Variants in SLC6A8 observed in about 807,000 individuals in gnomAD.
SLC6A8 encodes the protein solute carrier family 6 member 8.
SLC6A8 carries 6 observed loss-of-function variants against 48.3 expected under a neutral mutation model. That is an observed-to-expected ratio of 0.12 (90% CI 0.07 to 0.25). SLC6A8 has a LOEUF of 0.25. SLC6A8 is among the 10% of genes least tolerant of loss of function. The pLI, the probability that SLC6A8 is intolerant of heterozygous loss-of-function variation, is 1.00. For missense variants in SLC6A8, 260 were observed against 551.5 expected (o/e 0.47, Z 5.29); for synonymous variants, 245 against 244.0 (o/e 1.00, Z -0.04).
rs782687298 is a variant in SLC6A8 at position 153,695,964 on chromosome X, G to C, written c.*750G>C. 8.0e-6 allele frequency: 1 copy of C among 125,366 alleles called. No homozygotes were observed. Among genetic ancestry groups the C allele is most frequent in the African/African-American group, 3.2e-5 (1 of 31,155 alleles). 10.3% of individuals were successfully genotyped at this position (125,366 alleles called of 1,213,427 possible). On this transcript the variant is annotated 3_prime_UTR_variant, in exon 13 of 13. Coordinates refer to ENST00000253122, the MANE Select transcript of SLC6A8 (RefSeq NM_005629.4). ...ACTTGAGAGAATGAGATTTCTGCTT[G>C]TATATTTCTAAAAAGAGGAAGGAGC...
At chrX:153,690,904 C>CCG (rs1491523891) in intron 2 of SLC6A8, 1 of 213,500 alleles carries the variant, frequency 4.7e-6, no homozygotes, top group African/African-American at 3.8e-5. Context: ...CCCCCCCCCC[C>CCG]ACCACCACCA....
rs1557045908 is a variant in SLC6A8, at chrX:153,695,246, G to A, written c.*32G>A. 1.7e-6 allele frequency: 2 copies of A among 1,165,152 alleles called. No homozygotes were observed. Among genetic ancestry groups the A allele is most frequent in the Admixed American group, 2.5e-5 (1 of 40,484 alleles). ...AGCTCACATCACCAGCTCACCTCTG[G>A]TAGCCATAGCAGCCCCTGCTTCAGC... On this transcript the variant is annotated 3_prime_UTR_variant, in exon 13 of 13. Coordinates refer to ENST00000253122, the MANE Select transcript of SLC6A8 (RefSeq NM_005629.4).
chrX:153,690,133 C>T (rs1209094446), intron 1 of SLC6A8, among the ~76,000 whole-genome samples: 1 of 113,024 alleles, frequency 8.8e-6, no homozygotes, highest in African/African-American at 3.2e-5. Flanking sequence ...CCCTGGGGGC[C>T]TAGGGCCCCT....
In SLC6A8 at chrX:153,688,838, T is replaced by C; in HGVS notation, c.262+2T>C. ...ACCTGTGCTACAAGAACGGCGGAGGTGAGTTCCCCCGCCCGCCGCGGCCTC... is the reference window on the plus strand; with the variant it reads ...ACCTGTGCTACAAGAACGGCGGAGGCGAGTTCCCCCGCCCGCCGCGGCCTC... On this transcript the variant is annotated splice_donor_variant, in intron 1 of 12. Coordinates refer to ENST00000253122, the MANE Select transcript of SLC6A8 (RefSeq NM_005629.4). LOFTEE classifies it high-confidence loss of function. The C allele has an allele frequency of 9.1e-7, 1 of 1,093,962 alleles. No individual in the cohort carries two copies. The highest frequency in any genetic ancestry group is 1.2e-6 in the Non-Finnish European group (1 of 829,591). The allele number at this position is 1,093,962 out of a possible 1,213,427, so 90.2% of individuals were successfully genotyped here.
In SLC6A8 at chrX:153,694,285, T is replaced by C; in HGVS notation, c.1392+18T>C. The stretch of plus-strand genomic sequence containing the variant: ...TGACTGATGTGAGTGGGGTGGGGGG[T>C]CTGCCTGTGACCTCTGGTGGCCGTC... On this transcript the variant is annotated intron_variant, in intron 9 of 12. Transcript: ENST00000253122. The C allele has an allele frequency of 8.3e-7, 1 of 1,209,262 alleles. No individual in the cohort carries two copies. Among genetic ancestry groups the C allele is most frequent in the Non-Finnish European group, 1.1e-6 (1 of 894,006 alleles).
rs1603213032 is a variant in SLC6A8 at position 153,688,835 on chromosome X, A to G, written c.261A>G (p.Gly87=). 1.8e-6 allele frequency: 2 copies of G among 1,101,654 alleles called. No individual in the cohort carries two copies. Among genetic ancestry groups the G allele is most frequent in the Non-Finnish European group, 2.4e-6 (2 of 834,487 alleles). 90.8% of individuals were successfully genotyped at this position (1,101,654 alleles called of 1,213,427 possible). A position where few individuals can be genotyped will look rare whatever the true frequency, so the allele number is the denominator to read the frequency against. ...CCTACCTGTGCTACAAGAACGGCGGAGGTGAGTTCCCCCGCCCGCCGCGGC... is the reference window on the plus strand; with the variant it reads ...CCTACCTGTGCTACAAGAACGGCGGGGGTGAGTTCCCCCGCCCGCCGCGGC... The part of the protein sequence containing the change: ...RFPYLCYKNG[G]GVFLIPYVLI... The change falls in exon 1 of 13, where the codon GGA becomes GGG. Residue 87 remains glycine (G), a splice_region_variant and synonymous_variant. Coordinates refer to ENST00000253122, the MANE Select transcript of SLC6A8 (RefSeq NM_005629.4).
chrX:153,689,643 C>T, intron 1 of SLC6A8: 1 of 545,509 alleles, frequency 1.8e-6, no homozygotes, highest in South Asian at 9.4e-5. Flanking sequence ...GGAGCGAGCC[C>T]AGCCAGGGCA....
Position 153,695,947 on chromosome X carries a change from G to T in SLC6A8, c.*733G>T, listed in dbSNP as rs1350998008. ...TTGCACATTTTATAAAAACTTGAGA[G>T]AATGAGATTTCTGCTTGTATATTTC... On this transcript the variant is annotated 3_prime_UTR_variant, in exon 13 of 13. Coordinates refer to ENST00000253122, the MANE Select transcript of SLC6A8 (RefSeq NM_005629.4). 1 of 125,148 alleles carries T rather than the reference G, an allele frequency of 8.0e-6. No individual in the cohort carries two copies. Among genetic ancestry groups the T allele is most frequent in the African/African-American group, 3.2e-5 (1 of 31,171 alleles). 10.3% of individuals were successfully genotyped at this position (125,148 alleles called of 1,213,427 possible).
At chrX:153,692,423 G>A (rs782073574) in intron 4 of SLC6A8, 5 of 368,351 alleles carry the variant, frequency 1.4e-5, no homozygotes, top group Non-Finnish European at 2.1e-5. Context: ...CTTGCCTTGG[G>A]GACCCAGAGC....
At position 153,694,194 on chromosome X, in the gene SLC6A8, G is replaced by A. The variant is rs781925657; in HGVS notation, c.1319G>A (p.Arg440His). 26 of 1,208,906 alleles carry A rather than the reference G, an allele frequency of 2.2e-5. No individual in the cohort carries two copies. Among genetic ancestry groups the A allele is most frequent in the South Asian group, 3.5e-5 (2 of 56,768 alleles). The change falls in exon 9 of 13, where the codon CGT (arginine) becomes CAT (histidine). Residue 440 changes from arginine (R) to histidine (H), a missense_variant. This residue lies in a region of SLC6A8 where 18 missense variants were observed against 20.2 expected (regional missense o/e 0.89). Transcript: ENST00000253122. ...CTCCTCCCGGCCTCCTACTACTTCC[G>A]TTTCCAAAGGGAGATCTCTGTGGCC... Reference protein sequence around the residue: ...LDLLPASYYFRFQREISVALC... With the variant: ...LDLLPASYYFHFQREISVALC...
chrX:153,694,058 G>T (rs782294985), intron 8 of SLC6A8, 41 bp downstream of exon 8: 1 of 1,189,392 alleles, frequency 8.4e-7, no homozygotes, highest in Non-Finnish European at 1.1e-6. Flanking sequence ...GGAGGGGGGC[G>T]GAGGGAGGGC....
Position 153,696,368 on chromosome X carries a change from T to G in SLC6A8, c.*1154T>G, listed in dbSNP as rs1475515103. 1 of 331,335 alleles carries G rather than the reference T, an allele frequency of 3.0e-6. No individual in the cohort carries two copies. Among genetic ancestry groups the G allele is most frequent in the Admixed American group, 3.1e-5 (1 of 32,341 alleles). 27.3% of individuals were successfully genotyped at this position (331,335 alleles called of 1,213,427 possible). ...CTCCCACGTCCAGGCTTAAGGTGGA[T>G]GCACTTCCCGCACCTCCAGTCTTCT... On this transcript the variant is annotated 3_prime_UTR_variant, in exon 13 of 13. Transcript: ENST00000253122.
In SLC6A8 at chrX:153,692,080, C is replaced by G; in HGVS notation, c.750C>G (p.Val250=). The change falls in exon 4 of 13, where the codon GTC becomes GTG. Residue 250 remains valine, a synonymous_variant. Coordinates refer to ENST00000253122, the MANE Select transcript of SLC6A8 (RefSeq NM_005629.4). ...LACWVLVYFC[V]WKGVKSTGKI... The stretch of plus-strand genomic sequence containing the variant: ...GCTGGGTGCTGGTCTACTTCTGTGT[C>G]TGGAAGGGGGTCAAATCCACGGGAA... 8.3e-7 allele frequency: 1 copy of G among 1,205,685 alleles called. No individual in the cohort carries two copies. The highest frequency in any genetic ancestry group is 1.1e-6 in the Non-Finnish European group (1 of 891,898).
rs1459295373 is a variant in SLC6A8, at chrX:153,695,064, T to C, written c.1768-10T>C. Reference sequence around the variant, plus strand: ...CCCTGGGGGCTTCAGCATGTCCTCCTCTCCTGCAGCGCTGGCAGCACCTGA... The same window carrying C: ...CCCTGGGGGCTTCAGCATGTCCTCCCCTCCTGCAGCGCTGGCAGCACCTGA... On this transcript the variant is annotated splice_polypyrimidine_tract_variant and intron_variant, in intron 12 of 12. Coordinates refer to ENST00000253122, the MANE Select transcript of SLC6A8 (RefSeq NM_005629.4). 11 of 1,196,772 alleles carry C rather than the reference T, an allele frequency of 9.2e-6. No individual in the cohort carries two copies. The highest frequency in any genetic ancestry group is 1.2e-5 in the Non-Finnish European group (11 of 887,914).
Position 153,694,185 on chromosome X carries a change from A to G in SLC6A8, c.1310A>G (p.Tyr437Cys), listed in dbSNP as rs1557045400. ...TGLLDLLPASYYFRFQREISV... is the reference protein window; with the variant it reads ...TGLLDLLPASCYFRFQREISV... ...CTCCTCGACCTCCTCCCGGCCTCCT[A>G]CTACTTCCGTTTCCAAAGGGAGATC... Residue 437 changes from tyrosine to cysteine, a missense_variant, in exon 9 of 13, where the codon TAC becomes TGC. Tyr to Cys is a radical substitution (Grantham distance 194). Around this residue, in one of 7 missense-constraint regions of SLC6A8, gnomAD observed 18 missense variants for 20.2 expected, o/e 0.89. Transcript: ENST00000253122. 1.7e-6 allele frequency: 2 copies of G among 1,210,283 alleles called. No homozygotes were observed. Among genetic ancestry groups the G allele is most frequent in the East Asian group, 5.9e-5 (2 of 33,826 alleles).
At chrX:153,690,074 C>T (rs1400779198) in intron 1 of SLC6A8, among the ~76,000 whole-genome samples, 2 of 113,234 alleles carry the variant, frequency 1.8e-5, no homozygotes, top group Non-Finnish European at 3.7e-5. Context: ...CGTGTCTGAG[C>T]GTGTGTGTCC....
Position 153,694,699 on chromosome X carries a change from C to G in SLC6A8, c.1597-20C>G, listed in dbSNP as rs781894858. 5 of 1,209,927 alleles carry G rather than the reference C, an allele frequency of 4.1e-6. No homozygotes were observed. The highest frequency in any genetic ancestry group is 5.6e-6 in the Non-Finnish European group (5 of 894,820). The stretch of plus-strand genomic sequence containing the variant: ...AGGGCGGGGTAGGGGCCCCATTAAC[C>G]GCAGCATTCTGGTCCGTAGGGCATC... On this transcript the variant is annotated intron_variant, in intron 11 of 12. Transcript: ENST00000253122.
chrX:153,694,488 G>A (rs1569539447), intron 10 of SLC6A8, 42 bp downstream of exon 10: 3 of 1,192,085 alleles, frequency 2.5e-6, no homozygotes, highest in Non-Finnish European at 3.4e-6. Context: ...TGGTGGCGGG[G>A]AAGGCAGGTC....
rs782373793 is a variant in SLC6A8, at chrX:153,688,661, G to C, written c.87G>C (p.Gly29=). The C allele has an allele frequency of 8.1e-5, 88 of 1,080,795 alleles. 2 individuals carry two copies. In the Admixed American group the frequency reaches 3.0e-3, roughly 37 times the overall value. 89.1% of individuals were successfully genotyped at this position (1,080,795 alleles called of 1,213,427 possible). A position where few individuals can be genotyped will look rare whatever the true frequency, so the allele number is the denominator to read the frequency against. The change falls in exon 1 of 13, where the codon GGG becomes GGC. Residue 29 remains glycine, a synonymous_variant. Transcript: ENST00000253122. The stretch of plus-strand genomic sequence containing the variant: ...CCCTCATCGCGCCCGGGCCCGACGG[G>C]GCCCCGGCCAAGGGCGACGGCCCCG... ...KGPLIAPGPD[G]APAKGDGPVG...
Sources: gnomAD v4.1 joint callset for allele counts (sites outside exome capture counted in the v4.1 genomes callset) on GRCh38, gnomAD v4.1.1 for gene constraint, gnomAD v4.1.1 regional missense constraint, MANE v1.5 for transcripts, NCBI Gene and HGNC (gene_info 2026-07-23, HGNC 2026-07-21) for gene names.